The following TNS1 variants were observed in gnomAD, a reference collection of about 807,000 sequenced individuals.
TNS1 encodes the protein tensin 1.
TNS1 carries 62 observed loss-of-function variants against 168.6 expected under a neutral mutation model. The ratio of observed to expected loss-of-function variants is 0.37; its 90% CI spans 0.30 to 0.45. The LOEUF (loss-of-function observed/expected upper bound fraction) is 0.45, where lower values mean the gene tolerates loss of function less well. Among genes scored for constraint, TNS1 ranks in the 20% least tolerant of loss-of-function variants. The pLI is 1.00. For missense variants in TNS1, 2,240 were observed against 2,339.4 expected (o/e 0.96, Z 0.88); for synonymous variants, 934 against 933.2 (o/e 1.00, Z -0.02).
intron 6 of TNS1, among the ~76,000 whole-genome samples, chr2:217,903,033 C>T (rs1953203102): frequency 6.6e-6 from 1 of 152,196 alleles, no homozygotes; most frequent in African/African-American, 2.4e-5. Flanking sequence ...ACACAGGTGA[C>T]CTCACACGAG....
intron 18 of TNS1, chr2:217,850,502 G>A (rs1488389295): frequency 1.0e-6 from 1 of 984,598 alleles, no homozygotes; most frequent in African/African-American, 1.8e-5. Flanking sequence ...GCTGACTCAG[G>A]AATGAAGAAC....
intron 3 of TNS1, among the ~76,000 whole-genome samples, chr2:217,941,083 A>C (rs759841704): frequency 2.0e-5 from 3 of 152,298 alleles, no homozygotes; most frequent in South Asian, 2.1e-4. Context: ...TTATTTACAA[A>C]TGTGGAAACT....
At chr2:218,022,556 CA>C (rs763878708) in intron 1 of TNS1, among the ~76,000 whole-genome samples, 3 of 152,022 alleles carry the variant, frequency 2.0e-5, no homozygotes, top group East Asian at 1.9e-4. Flanking sequence ...GAAGAGGGGA[CA>C]GGGGTGTCCC....
chr2:217,851,867 G>A (rs1947546172), intron 18 of TNS1, among the ~76,000 whole-genome samples: 1 of 152,184 alleles, frequency 6.6e-6, no homozygotes, highest in Non-Finnish European at 1.5e-5. Context: ...ACCTCAGCCT[G>A]GCATGGTGAC....
intron 4 of TNS1, among the ~76,000 whole-genome samples, chr2:217,908,221 C>T (rs1422453702): frequency 6.6e-6 from 1 of 152,164 alleles, no homozygotes. Context: ...CTCACTCTGG[C>T]ACCCTCCTTT....
In TNS1 at chr2:217,800,841, A is replaced by T. The variant is rs1199198500; in HGVS notation, c.*3618T>A. The stretch of plus-strand genomic sequence containing the variant: ...TGGGAGTGAGACTAGATTTGATCAC[A>T]CTCACCACCCTTCTGTGCCCCCTGG... On this transcript the variant is annotated 3_prime_UTR_variant, in exon 33 of 33. Coordinates refer to ENST00000682258, the MANE Select transcript of TNS1 (RefSeq NM_001387777.1). 6.6e-6 allele frequency: 1 copy of T among 151,874 alleles called. No individual in the cohort carries two copies. Among genetic ancestry groups the T allele is most frequent in the Non-Finnish European group, 1.5e-5 (1 of 68,000 alleles). The allele number at this position is 151,874 out of a possible 1,614,324, so 9.4% of individuals were successfully genotyped here.
At chr2:218,030,065 G>A (rs868038534) in intron 1 of TNS1, among the ~76,000 whole-genome samples, 2 of 151,910 alleles carry the variant, frequency 1.3e-5, no homozygotes, top group African/African-American at 4.8e-5. Flanking sequence ...CTGGCTGACC[G>A]TCTCTAACTC....
chr2:217,886,256 G>T, intron 13 of TNS1, 152 bp from the exon 14 acceptor site: 1 of 828,494 alleles, frequency 1.2e-6, no homozygotes, highest in Non-Finnish European at 1.9e-6. Flanking sequence ...AAGAGTAAAA[G>T]AGGAAGCAGA....
upstream of TNS1, among the ~76,000 whole-genome samples, chr2:218,006,299 C>T (rs544011220): frequency 6.6e-6 from 1 of 152,308 alleles, no homozygotes; most frequent in South Asian, 2.1e-4. Flanking sequence ...CTCCCTGGGC[C>T]TCAGTTTCCT....
At chr2:217,927,744 C>T (rs368314692) in intron 3 of TNS1, among the ~76,000 whole-genome samples, 36 of 152,176 alleles carry the variant, frequency 2.4e-4, no homozygotes, top group African/African-American at 7.2e-4. Context: ...ACCCAGAGCA[C>T]GGGAGGGTGC....
At chr2:217,854,652 G>A (rs945886716) in intron 18 of TNS1, among the ~76,000 whole-genome samples, 1 of 152,224 alleles carries the variant, frequency 6.6e-6, no homozygotes, top group African/African-American at 2.4e-5. Context: ...CTGAGAGGTA[G>A]GTGAGCTTTG....
In TNS1 at chr2:218,033,657, C is replaced by A. The variant is rs1212911860; in HGVS notation, c.156+163G>T. Among the ~76,000 whole-genome samples the A allele has an allele frequency of 6.6e-6, 1 of 152,108 alleles. No individual in the cohort carries two copies. The highest frequency in any genetic ancestry group is 6.5e-5 in the Admixed American group (1 of 15,278). ...CCAACTGGAGGCCCCTTCACCCGGT[C>A]GTGGTCCTTCCTCCCCCTTGGTCCA... On this transcript the variant is annotated intron_variant, in intron 1 of 1. Transcript: ENST00000649572. This position sits in a 1 kb window ranked among gnomAD's most constrained non-coding sequence, Gnocchi z 4.3.
intron 1 of TNS1, among the ~76,000 whole-genome samples, chr2:218,000,479 AG>A (rs1958542457): frequency 6.6e-6 from 1 of 152,254 alleles, no homozygotes; most frequent in Non-Finnish European, 1.5e-5. Flanking sequence ...CCCAAGAACC[AG>A]GCAGGAGACT....
intron 18 of TNS1, among the ~76,000 whole-genome samples, chr2:217,872,727 A>C (rs897368495): frequency 1.3e-5 from 2 of 152,204 alleles, no homozygotes; most frequent in African/African-American, 4.8e-5. Context: ...CCACACAAAA[A>C]CTTGCACATA....
chr2:217,938,000 G>T (rs187938064), intron 3 of TNS1, among the ~76,000 whole-genome samples: 2 of 152,288 alleles, frequency 1.3e-5, no homozygotes, highest in Admixed American at 1.3e-4. Context: ...GTCTGGTCAA[G>T]GTCAAGGGGT....
chr2:217,821,200 T>TG (rs1432664199), intron 23 of TNS1, among the ~76,000 whole-genome samples: 1 of 152,158 alleles, frequency 6.6e-6, no homozygotes, highest in African/African-American at 2.4e-5. Context: ...GATGCAGGTC[T>TG]GGGGCAGAGG....
At position 217,847,703 on chromosome 2, in the gene TNS1, G is replaced by A. The variant is rs577551523; in HGVS notation, c.2814C>T (p.Ser938=). Residue 938 remains serine (S), a synonymous_variant, in exon 19 of 33, where the codon AGC becomes AGT. Coordinates refer to ENST00000682258, the MANE Select transcript of TNS1 (RefSeq NM_001387777.1). The part of the protein sequence containing the change: ...AGPNQDFHSK[S]PASSSLPAFL... Reference sequence around the variant, plus strand: ...AGGCAGGCAAGGAGGAAGAGGCTGGGCTCTTTGAATGGAAATCCTGGTTAG... The same window carrying A: ...AGGCAGGCAAGGAGGAAGAGGCTGGACTCTTTGAATGGAAATCCTGGTTAG... 3.1e-6 allele frequency: 5 copies of A among 1,605,162 alleles called. No homozygotes were observed. The highest frequency in any genetic ancestry group is 2.2e-5 in the East Asian group (1 of 44,580).
chr2:217,924,575 A>G (rs559542911), intron 3 of TNS1, among the ~76,000 whole-genome samples: 53 of 152,340 alleles, frequency 3.5e-4, no homozygotes, highest in African/African-American at 1.3e-3. Flanking sequence ...TAAAGAAAGG[A>G]GGCACCTGTG....
chr2:217,947,785 C>T (rs1211606950), intron 3 of TNS1, among the ~76,000 whole-genome samples: 4 of 152,142 alleles, frequency 2.6e-5, no homozygotes, highest in Non-Finnish European at 5.9e-5. Context: ...CACCCAGGGC[C>T]CCTCAGTGGC....
Sources: allele counts gnomAD v4.1 joint callset (sites outside exome capture counted in the v4.1 genomes callset), GRCh38; gene constraint gnomAD v4.1.1; non-coding constraint Gnocchi (gnomAD v3.1); transcripts MANE v1.5; gene names NCBI Gene and HGNC (gene_info 2026-07-23, HGNC 2026-07-21).